OPHN1: variants seen among roughly 807,000 people sequenced by gnomAD.
OPHN1 encodes the protein oligophrenin 1.
A neutral mutation model predicts 60.7 loss-of-function variants in OPHN1; 11 were observed. That is an observed-to-expected ratio of 0.18 (90% CI 0.11 to 0.30). The LOEUF (loss-of-function observed/expected upper bound fraction) is 0.30, where lower values mean the gene tolerates loss of function less well. OPHN1 is among the 10% of genes least tolerant of loss of function. OPHN1 has a pLI of 1.00. For missense variants in OPHN1, 449 were observed against 611.0 expected (o/e 0.73, Z 2.80); for synonymous variants, 226 against 222.6 (o/e 1.02, Z -0.14).
chrX:68,100,506 G>A (rs1320336274), intron 18 of OPHN1, among the ~76,000 whole-genome samples: 1 of 111,085 alleles, frequency 9.0e-6, no homozygotes, highest in Non-Finnish European at 1.9e-5. Flanking sequence ...GAGGGGAAAT[G>A]GGTGGGGAAA....
intron 2 of OPHN1, among the ~76,000 whole-genome samples, chrX:68,303,385 G>T (rs990480512): frequency 9.0e-6 from 1 of 111,436 alleles, no homozygotes; most frequent in South Asian, 3.8e-4. Context: ...AGTGGCTCAC[G>T]CCTGTAATCC....
intron 16 of OPHN1, among the ~76,000 whole-genome samples, chrX:68,113,911 A>T (rs188574028): frequency 1.9e-5 from 2 of 105,318 alleles, no homozygotes; most frequent in Non-Finnish European, 2.0e-5. Flanking sequence ...ACAAGTATAC[A>T]TATGTAACTA....
chrX:68,181,698 G>A (rs2077437717), intron 15 of OPHN1, among the ~76,000 whole-genome samples: 1 of 111,406 alleles, frequency 9.0e-6, no homozygotes. Flanking sequence ...CATGGGGCCA[G>A]GTGCCCATAA....
At chrX:68,051,849 A>T (rs749167736) in intron 23 of OPHN1, among the ~76,000 whole-genome samples, 1 of 112,154 alleles carries the variant, frequency 8.9e-6, no homozygotes, top group African/African-American at 3.2e-5. Context: ...TGAAGAAATG[A>T]AGAGGCAAAG....
intron 20 of OPHN1, among the ~76,000 whole-genome samples, chrX:68,066,532 G>A (rs1375227876): frequency 9.0e-6 from 1 of 111,422 alleles, no homozygotes; most frequent in Non-Finnish European, 1.9e-5. Context: ...CTATTTCTAG[G>A]TTCTGGGGTA....
intron 2 of OPHN1, among the ~76,000 whole-genome samples, chrX:68,386,043 A>T (rs944209290): frequency 1.9e-4 from 21 of 112,269 alleles, no homozygotes; most frequent in African/African-American, 6.8e-4. Flanking sequence ...CTGCTCTGAA[A>T]TGCTTCCCAC....
intron 2 of OPHN1, among the ~76,000 whole-genome samples, chrX:68,401,629 A>G (rs1430014385): frequency 8.9e-6 from 1 of 112,068 alleles, no homozygotes; most frequent in East Asian, 2.8e-4. Flanking sequence ...AAACATCAGG[A>G]GATGTAGATT....
chrX:68,425,859 C>T (rs1310395992), intron 2 of OPHN1, among the ~76,000 whole-genome samples: 3 of 73,885 alleles, frequency 4.1e-5, no homozygotes, highest in Non-Finnish European at 4.7e-5. Context: ...GACAGGGTCT[C>T]ACTCTGTAGC....
Position 68,367,368 on chromosome X carries a change from A to C in OPHN1, c.154+65499T>G, listed in dbSNP as rs765239187. 3.0e-4 allele frequency among the ~76,000 whole-genome samples: 32 copies of C among 107,757 alleles called. No individual in the cohort carries two copies. The Admixed American group carries it at 3.2e-3, about 11-fold the overall frequency. The allele number at this position is 107,757 out of a possible 115,157, so 93.6% of individuals were successfully genotyped here. A position where few individuals can be genotyped will look rare whatever the true frequency, so the allele number is the denominator to read the frequency against. On this transcript the variant is annotated intron_variant, in intron 2 of 24. Coordinates refer to ENST00000355520, the MANE Select transcript of OPHN1 (RefSeq NM_002547.3). ...GACTCTGTCTCGGGAAAAAAAAAAA[A>C]AAAACACAAGCAGAAACTCTCAGAA...
chrX:68,132,091 C>T (rs2077197142), intron 15 of OPHN1, among the ~76,000 whole-genome samples: 1 of 111,099 alleles, frequency 9.0e-6, no homozygotes, highest in South Asian at 3.7e-4. Flanking sequence ...CAGTTTTTGC[C>T]CATTCAGTCT....
chrX:68,139,798 A>C (rs952685871), intron 15 of OPHN1, among the ~76,000 whole-genome samples: 1 of 112,596 alleles, frequency 8.9e-6, no homozygotes, highest in Non-Finnish European at 1.9e-5. Flanking sequence ...CCTGCAGTCC[A>C]TTGGGGAGTT....
At chrX:68,065,433 C>A (rs778518871) in intron 20 of OPHN1, among the ~76,000 whole-genome samples, 16 of 111,373 alleles carry the variant, frequency 1.4e-4, no homozygotes, top group Non-Finnish European at 2.8e-4. Context: ...GTTGGGGGAA[C>A]GGGTAGGGGT....
At chrX:68,358,416 T>C (rs2078453563) in intron 2 of OPHN1, among the ~76,000 whole-genome samples, 1 of 111,361 alleles carries the variant, frequency 9.0e-6, no homozygotes, top group Admixed American at 9.6e-5. Context: ...CCTTGGGAGG[T>C]CATGTGCTCG....
At chrX:68,232,062 C>A (rs898746072) in intron 6 of OPHN1, among the ~76,000 whole-genome samples, 8 of 111,305 alleles carry the variant, frequency 7.2e-5, no homozygotes, top group Non-Finnish European at 1.3e-4. Context: ...AAGATGAAAT[C>A]TAAATTTTTT....
chrX:68,273,053 T>C (rs1308357978), intron 5 of OPHN1, among the ~76,000 whole-genome samples: 1 of 111,887 alleles, frequency 8.9e-6, no homozygotes, highest in Non-Finnish European at 1.9e-5. Flanking sequence ...ACAATGCCCA[T>C]GTCAATCTGA....
At chrX:68,226,230 G>T (rs1333437609) in intron 6 of OPHN1, among the ~76,000 whole-genome samples, 2 of 111,601 alleles carry the variant, frequency 1.8e-5, no homozygotes, top group African/African-American at 3.3e-5. Context: ...TGGGACTATG[G>T]GAAAAGACCA....
chrX:68,167,346 C>T (rs1363503046), intron 15 of OPHN1, among the ~76,000 whole-genome samples: 1 of 111,235 alleles, frequency 9.0e-6, no homozygotes, highest in Non-Finnish European at 1.9e-5. Flanking sequence ...CAGGAAGTAA[C>T]AAATGCTGGC....
rs55734909 is a variant in OPHN1 at position 68,061,093 on chromosome X, T to C, written c.2158+2761A>G. ...AAGGCCAAAACCACCTCAGTTCTGC[T>C]TTCTGTAGCCAAAGCTGGAAGCATG... On this transcript the variant is annotated intron_variant, in intron 21 of 24. Transcript: ENST00000355520. 6.9e-3 allele frequency among the ~76,000 whole-genome samples: 776 copies of C among 112,022 alleles called. 2 individuals are homozygous for C. The highest frequency in any genetic ancestry group is 0.01 in the Non-Finnish European group (537 of 53,210).
At chrX:68,363,655 A>G (rs1404608360) in intron 2 of OPHN1, among the ~76,000 whole-genome samples, 3 of 111,578 alleles carry the variant, frequency 2.7e-5, no homozygotes, top group Non-Finnish European at 5.6e-5. Context: ...TTGGGAGAGT[A>G]TAGGTATAGA....
Sources: gnomAD v4.1 joint callset for allele counts (sites outside exome capture counted in the v4.1 genomes callset) on GRCh38, gnomAD v4.1.1 for gene constraint, MANE v1.5 for transcripts, NCBI Gene and HGNC (gene_info 2026-07-23, HGNC 2026-07-21) for gene names.